Variants in C1D observed in about 807,000 individuals in gnomAD.
C1D encodes nuclear nucleic acid-binding protein C1D.
Under a neutral mutation model 17.5 loss-of-function variants are expected in C1D, and 10 were observed. The ratio of observed to expected loss-of-function variants is 0.57; its 90% CI spans 0.35 to 0.97. C1D has a LOEUF of 0.97. C1D is among the 50% of genes least tolerant of loss of function. C1D has a pLI of 0.01. For missense variants in C1D, 136 were observed against 160.1 expected (o/e 0.85, Z 0.81); for synonymous variants, 49 against 54.0 (o/e 0.91, Z 0.40).
intron 1 of C1D, among the ~76,000 whole-genome samples, chr2:68,053,820 T>C (rs1671354269): frequency 6.6e-6 from 1 of 152,206 alleles, no homozygotes; most frequent in Admixed American, 6.5e-5. Flanking sequence ...ACCTGTGTGA[T>C]TCTCTAAGCC....
chr2:68,060,485 C>T (rs374408030), intron 1 of C1D, among the ~76,000 whole-genome samples: 192 of 152,016 alleles, frequency 1.3e-3, no homozygotes, highest in African/African-American at 4.3e-3. Flanking sequence ...CTACTAAAAA[C>T]ACAAAAAATT....
At chr2:68,044,099 C>T (rs1469254443) in intron 4 of C1D, among the ~76,000 whole-genome samples, 1 of 152,208 alleles carries the variant, frequency 6.6e-6, no homozygotes, top group Non-Finnish European at 1.5e-5. Flanking sequence ...AAACTGCAGT[C>T]CTATCCAAGC....
At chr2:68,048,281 A>T (rs570328971) in intron 1 of C1D, among the ~76,000 whole-genome samples, 88 of 152,188 alleles carry the variant, frequency 5.8e-4, no homozygotes, top group Middle Eastern at 3.4e-3. Context: ...AATAAAAAAA[A>T]TTTTTTTTGT....
Position 68,058,999 on chromosome 2 carries a change from G to A in C1D, c.-10+3959C>T, listed in dbSNP as rs187490070. On this transcript the variant is annotated intron_variant, in intron 1 of 4. Coordinates refer to ENST00000410067, the MANE Select transcript of C1D (RefSeq NM_173177.3). ...CTACTTGGAATACCCGTGTTCCTCCGTTTTGCATTGCTATGCAGGAATACC... is the reference window on the plus strand; with the variant it reads ...CTACTTGGAATACCCGTGTTCCTCCATTTTGCATTGCTATGCAGGAATACC... Among the ~76,000 whole-genome samples the A allele has an allele frequency of 4.3e-3, 662 of 152,258 alleles. 4 individuals carry two copies. Among genetic ancestry groups the A allele is most frequent in the African/African-American group, 0.015 (638 of 41,538 alleles).
intron 1 of C1D, among the ~76,000 whole-genome samples, chr2:68,058,962 A>G (rs1460256371): frequency 6.7e-6 from 1 of 149,694 alleles, no homozygotes; most frequent in Non-Finnish European, 1.5e-5. Flanking sequence ...GTCCTGTCAT[A>G]GTCCTTTCCC....
At chr2:68,045,701 T>C (rs1274941706) in intron 4 of C1D, among the ~76,000 whole-genome samples, 1 of 152,034 alleles carries the variant, frequency 6.6e-6, no homozygotes, top group African/African-American at 2.4e-5. Flanking sequence ...AAAAAAGTAG[T>C]TCTAGAGATA....
At chr2:68,054,580 A>G (rs1002956329) in intron 1 of C1D, among the ~76,000 whole-genome samples, 1 of 152,188 alleles carries the variant, frequency 6.6e-6, no homozygotes, top group Non-Finnish European at 1.5e-5. Context: ...GATTTTAATC[A>G]TAGCTTCAAA....
chr2:68,060,267 C>T (rs958810787), intron 1 of C1D, among the ~76,000 whole-genome samples: 2 of 152,188 alleles, frequency 1.3e-5, no homozygotes, highest in African/African-American at 4.8e-5. Context: ...ACAACACCTC[C>T]GTGATTAGTC....
Position 68,047,337 on chromosome 2 carries a change from C to CT in C1D, c.-9-19dup. 1 of 1,587,658 alleles carries CT rather than the reference C, an allele frequency of 6.3e-7. No homozygotes were observed. Among genetic ancestry groups the CT allele is most frequent in the Non-Finnish European group, 8.6e-7 (1 of 1,168,166 alleles). ...ATGGCTGACTGGAAAAAATTAAATT[C>CT]TTTGAATTCATATTAGAGACAGAGC... On this transcript the variant is annotated intron_variant, in intron 1 of 4. Coordinates refer to ENST00000410067, the MANE Select transcript of C1D (RefSeq NM_173177.3).
intron 4 of C1D, among the ~76,000 whole-genome samples, chr2:68,045,069 TCCC>T (rs1005551887): frequency 3.3e-5 from 5 of 151,912 alleles, no homozygotes; most frequent in African/African-American, 1.2e-4. Context: ...AAATTTATTT[TCCC>T]CCCCAAGAAC....
chr2:68,049,668 T>C (rs934878302), intron 1 of C1D, among the ~76,000 whole-genome samples: 1 of 152,218 alleles, frequency 6.6e-6, no homozygotes, highest in African/African-American at 2.4e-5. Context: ...GGTATTTAGC[T>C]GTTTAAGAAT....
intron 1 of C1D, among the ~76,000 whole-genome samples, chr2:68,060,221 T>C (rs1396043926): frequency 6.6e-6 from 1 of 152,216 alleles, no homozygotes; most frequent in African/African-American, 2.4e-5. Context: ...TTCACTTCTT[T>C]CCAGCCAGTT....
intron 4 of C1D, among the ~76,000 whole-genome samples, chr2:68,043,288 C>T (rs1356229321): frequency 6.6e-6 from 1 of 151,942 alleles, no homozygotes; most frequent in East Asian, 1.9e-4. Context: ...TCTTCTGTTT[C>T]CAAAGAGTTA....
chr2:68,048,620 T>C (rs1375081442), intron 1 of C1D, among the ~76,000 whole-genome samples: 1 of 152,156 alleles, frequency 6.6e-6, no homozygotes, highest in Non-Finnish European at 1.5e-5. Context: ...TTTGGTTTCA[T>C]TAAAAAAATA....
chr2:68,058,439 G>A (rs951413592), intron 1 of C1D, among the ~76,000 whole-genome samples: 4 of 152,216 alleles, frequency 2.6e-5, no homozygotes, highest in South Asian at 4.1e-4. Context: ...GAAAGCACTC[G>A]ATGACAGAGA....
In C1D at chr2:68,047,208, T is replaced by C. The variant is rs1377996071; in HGVS notation, c.103A>G (p.Met35Val). The change falls in exon 2 of 5, where the codon ATG becomes GTG. Residue 35 changes from methionine to valine, a missense_variant. Physicochemically the swap from Met to Val is conservative, Grantham distance 21. Transcript: ENST00000410067. ...AACTCATTTCTAGAAACAGACATCA[T>C]GGTCTTCAGCATCTCATCCACAGCA... ...IGAVDEMLKT[M>V]MSVSRNELLQ... The C allele has an allele frequency of 2.5e-6, 4 of 1,610,658 alleles. No homozygotes were observed. The highest frequency in any genetic ancestry group is 3.4e-5 in the Admixed American group (2 of 59,598).
chr2:68,047,434 C>T, intron 1 of C1D, 115 bp from the exon 2 acceptor site: 1 of 671,038 alleles, frequency 1.5e-6, no homozygotes, highest in Non-Finnish European at 2.3e-6. Flanking sequence ...AGAGTTAAAA[C>T]CTGAAGACAA....
chr2:68,056,084 A>G (rs761328318), intron 1 of C1D, among the ~76,000 whole-genome samples: 7 of 152,210 alleles, frequency 4.6e-5, no homozygotes, highest in Non-Finnish European at 7.3e-5. Context: ...CATTTCCAAC[A>G]AAAGGCTCAC....
intron 4 of C1D, 140 bp downstream of exon 4, chr2:68,045,848 C>A: frequency 1.3e-5 from 7 of 553,380 alleles, no homozygotes; most frequent in South Asian, 5.4e-5. Flanking sequence ...GAAAAAAAAA[C>A]CCAAAGATAA....
Sources: gnomAD v4.1 joint callset for allele counts (sites outside exome capture counted in the v4.1 genomes callset) on GRCh38, gnomAD v4.1.1 for gene constraint, MANE v1.5 for transcripts, NCBI Gene and HGNC (gene_info 2026-07-23, HGNC 2026-07-21) for gene names.